The following MAP3K4 variants were observed in gnomAD, a reference collection of about 807,000 sequenced individuals.
MAP3K4 encodes the protein mitogen-activated protein kinase kinase kinase 4.
A neutral mutation model predicts 185.6 loss-of-function variants in MAP3K4; 67 were observed. The ratio of observed to expected loss-of-function variants is 0.36; its 90% CI spans 0.30 to 0.44. MAP3K4 has a LOEUF of 0.44. MAP3K4 is among the 20% of genes least tolerant of loss of function. The pLI is 1.00. For synonymous variants in MAP3K4, 702 were observed against 710.4 expected, an observed-to-expected ratio of 0.99 and a Z score of 0.19; for missense variants, 1,551 against 1,995.1, an observed-to-expected ratio of 0.78 and a Z score of 4.24.
intron 5 of MAP3K4, among the ~76,000 whole-genome samples, chr6:161,079,104 CT>C (rs1391658856): frequency 6.7e-6 from 1 of 149,972 alleles, no homozygotes; most frequent in Non-Finnish European, 1.5e-5. Context: ...GTCCCAGCTA[CT>C]TAGGAGGCTG....
chr6:161,060,727 C>A (rs1370267733), intron 3 of MAP3K4, among the ~76,000 whole-genome samples: 1 of 148,092 alleles, frequency 6.8e-6, no homozygotes, highest in Non-Finnish European at 1.5e-5. Flanking sequence ...TCAAGTGGTT[C>A]TCGTGCCTCA....
chr6:161,050,568 G>A (rs1334478675), intron 3 of MAP3K4, among the ~76,000 whole-genome samples: 1 of 152,214 alleles, frequency 6.6e-6, no homozygotes, highest in Non-Finnish European at 1.5e-5. Context: ...ATTTTTGTCA[G>A]ATATGTGTTT....
At chr6:161,030,574 T>C (rs1195414611) in intron 1 of MAP3K4, among the ~76,000 whole-genome samples, 1 of 151,934 alleles carries the variant, frequency 6.6e-6, no homozygotes, top group African/African-American at 2.4e-5. Context: ...CCACCACACC[T>C]GGTTAATTTT....
chr6:161,040,320 G>A (rs924237030), intron 2 of MAP3K4, among the ~76,000 whole-genome samples: 2 of 152,174 alleles, frequency 1.3e-5, no homozygotes, highest in African/African-American at 4.8e-5. Context: ...TACATGGTGT[G>A]TGTGCAACCT....
At position 161,019,378 on chromosome 6, in the gene MAP3K4, A is replaced by G. The variant is rs551384960; in HGVS notation, c.153-14881A>G. Among the ~76,000 whole-genome samples the G allele has an allele frequency of 5.3e-5, 8 of 152,004 alleles. No homozygotes were observed. The South Asian group carries it at 1.5e-3, about 28-fold the overall frequency. Reference sequence around the variant, plus strand: ...TTTGGAAACATTCTTCCTTTCTCTCATTTACCACAGTTTCTTCCATGTTTG... The same window carrying G: ...TTTGGAAACATTCTTCCTTTCTCTCGTTTACCACAGTTTCTTCCATGTTTG... On this transcript the variant is annotated intron_variant, in intron 1 of 26. Transcript: ENST00000392142.
Position 161,093,930 on chromosome 6 carries a change from A to G in MAP3K4, c.3427+79A>G. ...GATCCTCTTGTAATTGCAGTCGTTT[A>G]AAATGGTATAAGAGGTGTTTTAACA... On this transcript the variant is annotated intron_variant, in intron 15 of 26. Transcript: ENST00000392142. This position sits in a 1 kb window ranked among gnomAD's most constrained non-coding sequence, Gnocchi z 5.2. The G allele has an allele frequency of 3.7e-6, 4 of 1,067,834 alleles. No individual in the cohort carries two copies. Among genetic ancestry groups the G allele is most frequent in the Non-Finnish European group, 5.7e-6 (4 of 696,910 alleles). 66.1% of individuals were successfully genotyped at this position (1,067,834 alleles called of 1,614,324 possible). A position where few individuals can be genotyped will look rare whatever the true frequency, so the allele number is the denominator to read the frequency against.
Position 161,112,844 on chromosome 6 carries a change from T to C in MAP3K4, c.4626+70T>C. 3 of 998,068 alleles carry C rather than the reference T, an allele frequency of 3.0e-6. No homozygotes were observed. The highest frequency in any genetic ancestry group is 4.9e-5 in the South Asian group (2 of 40,748). The allele number at this position is 998,068 out of a possible 1,614,324, so 61.8% of individuals were successfully genotyped here. ...CTGTGCATTAACAGAACAGTAGTTA[T>C]GGATTGATTATTTATTACAAACACT... is the stretch of plus-strand genomic sequence containing the variant. On this transcript the variant is annotated intron_variant, in intron 25 of 26. Coordinates refer to ENST00000392142, the MANE Select transcript of MAP3K4 (RefSeq NM_005922.4). The surrounding 1 kb of genome is among the most constrained non-coding windows in gnomAD (Gnocchi z 5.1).
Position 161,049,617 on chromosome 6 carries a change from G to A in MAP3K4, c.1345G>A (p.Gly449Arg). 1 of 1,614,160 alleles carries A rather than the reference G, an allele frequency of 6.2e-7. No homozygotes were observed. Among genetic ancestry groups the A allele is most frequent in the Non-Finnish European group, 8.5e-7 (1 of 1,180,022 alleles). ...GGAGTATGAGGGTGATGACACAGAA[G>A]GAGAATTAAAGGAGTTGGAAAGTAG... ...EPEYEGDDTEGELKELESSTD... is the reference protein window; with the variant it reads ...EPEYEGDDTERELKELESSTD... The change falls in exon 3 of 27, where the codon GGA becomes AGA. Residue 449 changes from glycine (G) to arginine (R), a missense_variant. This residue lies in a region of MAP3K4 where 126 missense variants were observed against 112.8 expected (regional missense o/e 1.12). Transcript: ENST00000392142. The surrounding 1 kb of genome is among the most constrained non-coding windows in gnomAD (Gnocchi z 8.4).
Position 161,108,833 on chromosome 6 carries a change from C to T in MAP3K4, c.4210C>T (p.Arg1404Trp), listed in dbSNP as rs1029881566. The change falls in exon 22 of 27, where the codon CGG (arginine) becomes TGG (tryptophan). Residue 1404 changes from arginine to tryptophan, a missense_variant. This residue lies in a region of MAP3K4 where 159 missense variants were observed against 300.5 expected (regional missense o/e 0.53). Transcript: ENST00000392142. This position sits in a 1 kb window ranked among gnomAD's most constrained non-coding sequence, Gnocchi z 5.7. Reference sequence around the variant, plus strand: ...AGGCATCAAACACCCCAATCTGGTTCGGTATTTTGGTGTGGAGCTCCATAG... The same window carrying T: ...AGGCATCAAACACCCCAATCTGGTTTGGTATTTTGGTGTGGAGCTCCATAG... The part of the protein sequence containing the change: ...FEGIKHPNLV[R>W]YFGVELHREE... The T allele has an allele frequency of 6.2e-7, 1 of 1,613,916 alleles. No individual in the cohort carries two copies. Among genetic ancestry groups the T allele is most frequent in the Non-Finnish European group, 8.5e-7 (1 of 1,179,884 alleles).
rs532211913 is a variant in MAP3K4, at chr6:161,039,940, C to T, written c.343+5491C>T. On this transcript the variant is annotated intron_variant, in intron 2 of 26. Transcript: ENST00000392142. The stretch of plus-strand genomic sequence containing the variant: ...TAGTTTCAAACAAAAAATACTATTG[C>T]GGGGAGCATCTCTGTTCATTTATCT... 4.6e-5 allele frequency among the ~76,000 whole-genome samples: 7 copies of T among 152,212 alleles called. No homozygotes were observed. The South Asian group carries it at 1.2e-3, about 27-fold the overall frequency.
At position 161,098,559 on chromosome 6, in the gene MAP3K4, C is replaced by T. The variant is rs535030778; in HGVS notation, c.3674+132C>T. On this transcript the variant is annotated intron_variant, in intron 17 of 26. Coordinates refer to ENST00000392142, the MANE Select transcript of MAP3K4 (RefSeq NM_005922.4). This position sits in a 1 kb window ranked among gnomAD's most constrained non-coding sequence, Gnocchi z 4.4. ...GTGGCGTGTGAGTGATGCTCTAGGG[C>T]CTTCCGCAGGTTGTCACGGCCCAGA... 95 of 1,072,014 alleles carry T rather than the reference C, an allele frequency of 8.9e-5. No homozygotes were observed. The highest frequency in any genetic ancestry group is 7.6e-4 in the African/African-American group (47 of 62,174). 66.4% of individuals were successfully genotyped at this position (1,072,014 alleles called of 1,614,324 possible). A position where few individuals can be genotyped will look rare whatever the true frequency, so the allele number is the denominator to read the frequency against.
Position 161,077,706 on chromosome 6 carries a change from G to C in MAP3K4, c.2098-3175G>C, listed in dbSNP as rs1016187310. Among the ~76,000 whole-genome samples the C allele has an allele frequency of 2.0e-5, 3 of 152,298 alleles. No homozygotes were observed. The highest frequency in any genetic ancestry group is 4.4e-5 in the Non-Finnish European group (3 of 68,032). On this transcript the variant is annotated intron_variant, in intron 5 of 26. Coordinates refer to ENST00000392142, the MANE Select transcript of MAP3K4 (RefSeq NM_005922.4). This position sits in a 1 kb window ranked among gnomAD's most constrained non-coding sequence, Gnocchi z 4.3. ...CGTAGGCAGTGAAATGGCAGGACTC[G>C]GGTGGATCAAATGTGAACAAGGTGT...
At position 161,067,779 on chromosome 6, in the gene MAP3K4, A is replaced by G. The variant is rs1044329878; in HGVS notation, c.1708-2829A>G. On this transcript the variant is annotated intron_variant, in intron 3 of 26. Coordinates refer to ENST00000392142, the MANE Select transcript of MAP3K4 (RefSeq NM_005922.4). The surrounding 1 kb of genome is among the most constrained non-coding windows in gnomAD (Gnocchi z 6.3). ...GACGTTTAATCTTGATGGTAATTTT[A>G]TACTAAGAAGAAGGCATATCCTCGT... 6.6e-6 allele frequency among the ~76,000 whole-genome samples: 1 copy of G among 152,226 alleles called. No individual in the cohort carries two copies. Among genetic ancestry groups the G allele is most frequent in the Non-Finnish European group, 1.5e-5 (1 of 68,046 alleles).
chr6:161,039,941 G>A (rs552395685), intron 2 of MAP3K4, among the ~76,000 whole-genome samples: 8 of 152,220 alleles, frequency 5.3e-5, no homozygotes, highest in South Asian at 4.2e-4. Context: ...ATACTATTGC[G>A]GGGAGCATCT....
chr6:161,102,670 T>C, intron 18 of MAP3K4, 29 bp from the exon 19 acceptor site: 1 of 1,428,860 alleles, frequency 7.0e-7, no homozygotes, highest in Non-Finnish European at 9.5e-7. Context: ...TTCATAAATC[T>C]TAATTTGTAT....
rs1488538981 is a variant in MAP3K4, at chr6:161,103,739, A to G, written c.3856+960A>G. 1.3e-5 allele frequency among the ~76,000 whole-genome samples: 2 copies of G among 152,238 alleles called. No homozygotes were observed. The highest frequency in any genetic ancestry group is 2.9e-5 in the Non-Finnish European group (2 of 68,044). On this transcript the variant is annotated intron_variant, in intron 19 of 26. Transcript: ENST00000392142. This position sits in a 1 kb window ranked among gnomAD's most constrained non-coding sequence, Gnocchi z 4.6. ...CTGGGGATGAGTAAGACGCTGAGAT[A>G]GTATAGTCTGCTAGCCAGAATTGAG...
rs767393778 is a variant in MAP3K4, at chr6:161,076,428, C to T, written c.2097+2816C>T. ...AAATTCTGTGACCTTGGGGGCTTTA[C>T]TCTGCGTTAGGACATCCACTGTACT... On this transcript the variant is annotated intron_variant, in intron 5 of 26. Transcript: ENST00000392142. This position sits in a 1 kb window ranked among gnomAD's most constrained non-coding sequence, Gnocchi z 4.2. Among the ~76,000 whole-genome samples the T allele has an allele frequency of 1.3e-5, 2 of 152,200 alleles. No individual in the cohort carries two copies. The highest frequency in any genetic ancestry group is 2.9e-5 in the Non-Finnish European group (2 of 68,040).
At chr6:161,040,683 A>G (rs989844750) in intron 2 of MAP3K4, among the ~76,000 whole-genome samples, 2 of 152,256 alleles carry the variant, frequency 1.3e-5, no homozygotes, top group Non-Finnish European at 2.9e-5. Flanking sequence ...AGCAAATTCA[A>G]AATTAGTGCA....
At position 161,049,237 on chromosome 6, in the gene MAP3K4, T is replaced by TA; in HGVS notation, c.966dup (p.Glu323ArgfsTer20). On this transcript the variant is annotated frameshift_variant, in exon 3 of 27. Coordinates refer to ENST00000392142, the MANE Select transcript of MAP3K4 (RefSeq NM_005922.4). LOFTEE classifies it high-confidence loss of function. This position sits in a 1 kb window ranked among gnomAD's most constrained non-coding sequence, Gnocchi z 8.4. Reference sequence around the variant, plus strand: ...AGAGCTGGTTTTAATGGTACTTCAGTAGAAGGGCAGTGCAAAGCCACTCCT... The same window carrying TA: ...AGAGCTGGTTTTAATGGTACTTCAGTAAGAAGGGCAGTGCAAAGCCACTCCT... 1 of 1,614,140 alleles carries TA rather than the reference T, an allele frequency of 6.2e-7. No homozygotes were observed. The highest frequency in any genetic ancestry group is 1.1e-5 in the South Asian group (1 of 91,082).
Sources: allele counts gnomAD v4.1 joint callset (sites outside exome capture counted in the v4.1 genomes callset), GRCh38; gene constraint gnomAD v4.1.1; regional missense constraint gnomAD v4.1.1; non-coding constraint Gnocchi (gnomAD v3.1); transcripts MANE v1.5; gene names NCBI Gene and HGNC (gene_info 2026-07-23, HGNC 2026-07-21).